SNAP23: variants seen among roughly 807,000 people sequenced by gnomAD.
SNAP23 encodes synaptosomal-associated protein 23.
Under a neutral mutation model 29.0 loss-of-function variants are expected in SNAP23, and 11 were observed. That is an observed-to-expected ratio of 0.38 (90% CI 0.24 to 0.63). The LOEUF (loss-of-function observed/expected upper bound fraction) is 0.63. SNAP23 is among the 20% of genes least tolerant of loss of function. SNAP23 has a pLI of 0.58. For missense variants in SNAP23, 220 were observed against 253.9 expected (o/e 0.87, Z 0.91); for synonymous variants, 60 against 82.9 (o/e 0.72, Z 1.50).
chr15:42,522,647 A>G (rs1326533409), intron 5 of SNAP23, among the ~76,000 whole-genome samples: 1 of 150,746 alleles, frequency 6.6e-6, no homozygotes, highest in African/African-American at 2.4e-5. Flanking sequence ...TGAAATAGTC[A>G]CAGCTAATAT....
chr15:42,497,141 G>A (rs1200047855), intron 1 of SNAP23, among the ~76,000 whole-genome samples: 1 of 146,562 alleles, frequency 6.8e-6, no homozygotes, highest in Non-Finnish European at 1.5e-5. Flanking sequence ...CACTTCAAGC[G>A]ATTCTCCTCC....
intron 1 of SNAP23, among the ~76,000 whole-genome samples, chr15:42,503,050 A>T (rs1156242636): frequency 6.6e-6 from 1 of 152,100 alleles, no homozygotes. Flanking sequence ...CAGCTTCCTG[A>T]GTAGCTGGGA....
chr15:42,511,500 A>T (rs1176262837), intron 1 of SNAP23, among the ~76,000 whole-genome samples: 1 of 152,162 alleles, frequency 6.6e-6, no homozygotes, highest in Non-Finnish European at 1.5e-5. Context: ...ACAACCAAAA[A>T]TTCACTTTAA....
At chr15:42,519,421 G>A (rs975088859) in intron 5 of SNAP23, among the ~76,000 whole-genome samples, 2 of 151,122 alleles carry the variant, frequency 1.3e-5, no homozygotes, top group Non-Finnish European at 2.9e-5. Flanking sequence ...ACCCAGACTG[G>A]AGTGCAGTGG....
At chr15:42,499,187 G>A (rs2057247934) in intron 1 of SNAP23, among the ~76,000 whole-genome samples, 3 of 151,728 alleles carry the variant, frequency 2.0e-5, no homozygotes, top group Admixed American at 2.0e-4. Context: ...TCCTGCCTCA[G>A]CCTCCCGAGT....
chr15:42,518,424 T>C (rs1335788176), intron 5 of SNAP23, among the ~76,000 whole-genome samples: 3 of 151,126 alleles, frequency 2.0e-5, no homozygotes, highest in Admixed American at 2.0e-4. Context: ...ACTTTTTCTT[T>C]TCTTTCTCTT....
At chr15:42,503,204 T>C (rs1375373193) in intron 1 of SNAP23, among the ~76,000 whole-genome samples, 2 of 152,148 alleles carry the variant, frequency 1.3e-5, no homozygotes, top group African/African-American at 4.8e-5. Context: ...TGTTTTGTTT[T>C]TTCGTGTTGT....
In SNAP23 at chr15:42,528,953, A is replaced by G. The variant is rs1336777794; in HGVS notation, c.425+533A>G. Reference sequence around the variant, plus strand: ...TTAACTTTTCTTTATACTTTTCAGTACTTTCCAAATTATTGAACTAGACAT... The same window carrying G: ...TTAACTTTTCTTTATACTTTTCAGTGCTTTCCAAATTATTGAACTAGACAT... On this transcript the variant is annotated intron_variant, in intron 6 of 7. Coordinates refer to ENST00000249647, the MANE Select transcript of SNAP23 (RefSeq NM_003825.4). 2.6e-5 allele frequency among the ~76,000 whole-genome samples: 4 copies of G among 152,316 alleles called. No homozygotes were observed. The South Asian group carries it at 8.3e-4, about 32-fold the overall frequency.
At chr15:42,503,923 A>G (rs180923309) in intron 1 of SNAP23, among the ~76,000 whole-genome samples, 1 of 152,304 alleles carries the variant, frequency 6.6e-6, no homozygotes, top group Admixed American at 6.5e-5. Flanking sequence ...ATATGTATGT[A>G]TATTTGCATA....
At chr15:42,516,338 C>CT (rs538419856) in intron 5 of SNAP23, among the ~76,000 whole-genome samples, 29 of 147,956 alleles carry the variant, frequency 2.0e-4, no homozygotes, top group East Asian at 7.9e-4. Flanking sequence ...CCAAAGTATC[C>CT]TTTTTTTTTT....
intron 1 of SNAP23, among the ~76,000 whole-genome samples, chr15:42,506,750 C>T (rs2057319658): frequency 6.6e-6 from 1 of 152,000 alleles, no homozygotes. Flanking sequence ...GACCTATTTT[C>T]CAATATTCAG....
chr15:42,529,526 T>TA (rs2057540931), intron 6 of SNAP23, 149 bp from the exon 7 acceptor site: 1 of 734,142 alleles, frequency 1.4e-6, no homozygotes, highest in Non-Finnish European at 2.2e-6. Flanking sequence ...GTTTTTATTA[T>TA]AGAATGTTTC....
chr15:42,511,970 C>T, intron 2 of SNAP23, 67 bp downstream of exon 2: 1 of 1,082,784 alleles, frequency 9.2e-7, no homozygotes, highest in Admixed American at 2.1e-5. Flanking sequence ...AGTGAGAGAG[C>T]CTTCTTAGGG....
chr15:42,527,013 T>C (rs2057510005), intron 5 of SNAP23, among the ~76,000 whole-genome samples: 1 of 152,104 alleles, frequency 6.6e-6, no homozygotes, highest in African/African-American at 2.4e-5. Context: ...AATTTTTGTA[T>C]TTTTAGTAGA....
intron 5 of SNAP23, among the ~76,000 whole-genome samples, chr15:42,516,464 G>A (rs1174932926): frequency 6.6e-6 from 1 of 152,124 alleles, no homozygotes; most frequent in Non-Finnish European, 1.5e-5. Context: ...CCGAGTAGCT[G>A]GGACTACAGG....
intron 4 of SNAP23, among the ~76,000 whole-genome samples, chr15:42,514,225 C>CT (rs1452067037): frequency 6.6e-6 from 1 of 151,910 alleles, no homozygotes; most frequent in Non-Finnish European, 1.5e-5. Context: ...CCAGGATCCT[C>CT]TACCTCCCAC....
At chr15:42,521,693 A>C in intron 5 of SNAP23, 1 of 1,000,616 alleles carries the variant, frequency 1.0e-6, no homozygotes. Flanking sequence ...TTGGGCTGCT[A>C]ACCTGCTATC....
chr15:42,498,608 A>T (rs1340137364), intron 1 of SNAP23, among the ~76,000 whole-genome samples: 1 of 152,152 alleles, frequency 6.6e-6, no homozygotes, highest in Non-Finnish European at 1.5e-5. Context: ...TATGCCCTGG[A>T]GACATTTTTC....
intron 5 of SNAP23, chr15:42,521,681 G>C: frequency 2.5e-6 from 3 of 1,199,306 alleles, no homozygotes; most frequent in African/African-American, 1.5e-5. Flanking sequence ...TTGTGGCGCA[G>C]TTTGGGCTGC....
Sources: gnomAD v4.1 joint callset for allele counts (sites outside exome capture counted in the v4.1 genomes callset) on GRCh38, gnomAD v4.1.1 for gene constraint, MANE v1.5 for transcripts, NCBI Gene and HGNC (gene_info 2026-07-23, HGNC 2026-07-21) for gene names.